The following SPTBN1 variants were observed in gnomAD, a reference collection of about 807,000 sequenced individuals.
SPTBN1 encodes spectrin beta chain, non-erythrocytic 1.
In SPTBN1, 32 loss-of-function variants were observed where a neutral mutation model predicts 266.4. The ratio of observed to expected loss-of-function variants is 0.12; its 90% CI spans 0.09 to 0.16. SPTBN1 has a LOEUF of 0.16. SPTBN1 is among the 10% of genes least tolerant of loss of function. The pLI, the probability that SPTBN1 is intolerant of heterozygous loss-of-function variation, is 1.00. For synonymous variants in SPTBN1, 1,336 were observed against 1,162.2 expected, an observed-to-expected ratio of 1.15 and a Z score of -3.04; for missense variants, 2,296 against 3,067.1, an observed-to-expected ratio of 0.75 and a Z score of 5.94.
intron 1 of SPTBN1, among the ~76,000 whole-genome samples, chr2:54,465,637 CTCATATATATATATATAT>C (rs1378639344): frequency 1.2e-4 from 11 of 89,724 alleles, no homozygotes; most frequent in African/African-American, 4.0e-4. Flanking sequence ...TCATGTTTAT[CTCATATATATATATATAT>C]ATATATATAT....
At chr2:54,591,608 T>A (rs998993099) in intron 2 of SPTBN1, among the ~76,000 whole-genome samples, 6 of 152,232 alleles carry the variant, frequency 3.9e-5, no homozygotes, top group African/African-American at 4.8e-5. Context: ...AGTTCCTGAT[T>A]CTATGTTTCC....
At chr2:54,530,938 C>T (rs947973711) in intron 2 of SPTBN1, among the ~76,000 whole-genome samples, 2 of 152,030 alleles carry the variant, frequency 1.3e-5, no homozygotes, top group African/African-American at 4.8e-5. Context: ...TGCTGTGCAC[C>T]CAAGACTGAG....
intron 4 of SPTBN1, among the ~76,000 whole-genome samples, chr2:54,613,392 T>C (rs897753411): frequency 1.3e-5 from 2 of 152,238 alleles, no homozygotes; most frequent in African/African-American, 2.4e-5. Context: ...TGTTTTCTTA[T>C]TGAAACTCTG....
rs1572745148 is a variant in SPTBN1, at chr2:54,645,875, C to T, written c.4495-53C>T. On this transcript the variant is annotated intron_variant, in intron 21 of 35. Transcript: ENST00000356805. The surrounding 1 kb of genome is among the most constrained non-coding windows in gnomAD (Gnocchi z 4.3). ...ACTGCCCCTCACTGCTCGTTTGTGT[C>T]GTATATTTGTTCCTCTGAGTGGATC... 1.9e-6 allele frequency: 3 copies of T among 1,591,482 alleles called. No homozygotes were observed. Among genetic ancestry groups the T allele is most frequent in the Non-Finnish European group, 2.6e-6 (3 of 1,160,132 alleles).
At chr2:54,607,104 T>A (rs952859572) in intron 3 of SPTBN1, among the ~76,000 whole-genome samples, 1 of 152,260 alleles carries the variant, frequency 6.6e-6, no homozygotes, top group Non-Finnish European at 1.5e-5. Context: ...ATCACATTAA[T>A]GTGAAAAGCT....
intron 5 of SPTBN1, 49 bp from the exon 6 acceptor site, chr2:54,617,559 C>T: frequency 1.3e-6 from 2 of 1,582,556 alleles, no homozygotes; most frequent in Non-Finnish European, 1.7e-6. Context: ...AAGTATAAAC[C>T]TCCATGTGGT....
At chr2:54,465,310 A>G (rs779613785) in intron 1 of SPTBN1, among the ~76,000 whole-genome samples, 15 of 152,294 alleles carry the variant, frequency 9.8e-5, no homozygotes, top group Non-Finnish European at 1.6e-4. Flanking sequence ...ACTTGAGTGC[A>G]GAGCAGTGGA....
intron 2 of SPTBN1, among the ~76,000 whole-genome samples, chr2:54,563,593 CTTTTTTTTTTTTT>C (rs750173696): frequency 1.1e-4 from 7 of 64,440 alleles, no homozygotes; most frequent in South Asian, 7.6e-4. Context: ...AAAATTTATT[CTTTTTTTTTTTTT>C]TTTTTTTTTT....
At chr2:54,596,565 G>C (rs1399305880) in intron 2 of SPTBN1, among the ~76,000 whole-genome samples, 1 of 152,182 alleles carries the variant, frequency 6.6e-6, no homozygotes, top group Admixed American at 6.5e-5. Context: ...GAGGAACTTA[G>C]ACCCTGCGTG....
chr2:54,661,067 A>G (rs1207679305), intron 32 of SPTBN1: 2 of 985,298 alleles, frequency 2.0e-6, no homozygotes, highest in African/African-American at 3.5e-5. Flanking sequence ...TTCAGAAGTC[A>G]TGTCAGTGTC....
At chr2:54,485,402 G>A (rs959415983) in intron 1 of SPTBN1, among the ~76,000 whole-genome samples, 7 of 152,156 alleles carry the variant, frequency 4.6e-5, no homozygotes, top group Non-Finnish European at 1.0e-4. Context: ...TGTGTTGGCC[G>A]GGCTGGTCTC....
chr2:54,459,567 T>C (rs1693249797), intron 1 of SPTBN1, among the ~76,000 whole-genome samples: 2 of 151,970 alleles, frequency 1.3e-5, no homozygotes, highest in Non-Finnish European at 2.9e-5. Context: ...GCTTTTCTTT[T>C]TAATAGCATA....
chr2:54,628,180 C>T lies in SPTBN1; in HGVS notation c.1728C>T (p.Asp576=). 6.2e-7 allele frequency: 1 copy of T among 1,614,148 alleles called. No individual in the cohort carries two copies. Among genetic ancestry groups the T allele is most frequent in the Non-Finnish European group, 8.5e-7 (1 of 1,179,994 alleles). ...LLQKHTLVEA[D]IGIQAERVRG... is the part of the protein sequence containing the mutation. The stretch of plus-strand genomic sequence containing the variant: ...AGAAGCACACCCTGGTTGAAGCAGA[C>T]ATTGGCATCCAGGCAGAGCGGGTGA... The change falls in exon 13 of 36, where the codon GAC becomes GAT. Residue 576 remains aspartate, a synonymous_variant. Transcript: ENST00000356805. The surrounding 1 kb of genome is among the most constrained non-coding windows in gnomAD (Gnocchi z 4.3).
At chr2:54,523,711 A>G (rs560168355) in intron 1 of SPTBN1, among the ~76,000 whole-genome samples, 22 of 152,122 alleles carry the variant, frequency 1.4e-4, no homozygotes, top group South Asian at 2.1e-4. Flanking sequence ...GTGGTGGCAT[A>G]TGTGAGGGGG....
intron 18 of SPTBN1, among the ~76,000 whole-genome samples, chr2:54,642,453 A>G (rs1177644178): frequency 6.6e-6 from 1 of 152,146 alleles, no homozygotes; most frequent in African/African-American, 2.4e-5. Flanking sequence ...CCTTAGCCCT[A>G]CAGTGAGCAA....
At chr2:54,593,978 G>A (rs1675867105) in intron 2 of SPTBN1, among the ~76,000 whole-genome samples, 1 of 151,718 alleles carries the variant, frequency 6.6e-6, no homozygotes, top group Non-Finnish European at 1.5e-5. Context: ...GGTTACAGGT[G>A]CGTGCCACCA....
chr2:54,609,979 GCCTTAAGT>G lies in SPTBN1; in HGVS notation c.301-2178_301-2171del, dbSNP rs546856110. Among the ~76,000 whole-genome samples, 309 of 151,786 alleles carry G rather than the reference GCCTTAAGT, an allele frequency of 2.0e-3. 1 individual carries two copies. The highest frequency in any genetic ancestry group is 3.4e-3 in the Middle Eastern group (1 of 292). On this transcript the variant is annotated intron_variant, in intron 3 of 35. Transcript: ENST00000356805. Reference sequence around the variant, plus strand: ...CAGTAGAGTTAGCCTATCCCTTTATGCCTTAAGTCCTGGTGCTCACCTCTCTTTCTCTT... The same window carrying G: ...CAGTAGAGTTAGCCTATCCCTTTATGCCTGGTGCTCACCTCTCTTTCTCTT...
chr2:54,595,747 A>C (rs891137684), intron 2 of SPTBN1, among the ~76,000 whole-genome samples: 9 of 152,144 alleles, frequency 5.9e-5, no homozygotes, highest in African/African-American at 2.2e-4. Context: ...AGATTTCTCA[A>C]CCTAGCACCG....
intron 1 of SPTBN1, among the ~76,000 whole-genome samples, chr2:54,466,840 A>AT (rs976213866): frequency 2.6e-5 from 4 of 152,284 alleles, no homozygotes; most frequent in African/African-American, 9.6e-5. Context: ...CTGCTGTTCA[A>AT]TTTTTTTCTA....
Sources: allele counts gnomAD v4.1 joint callset (sites outside exome capture counted in the v4.1 genomes callset), GRCh38; gene constraint gnomAD v4.1.1; non-coding constraint Gnocchi (gnomAD v3.1); transcripts MANE v1.5; gene names NCBI Gene and HGNC (gene_info 2026-07-23, HGNC 2026-07-21).